The following MOGAT1 variants were observed in gnomAD, a reference collection of about 807,000 sequenced individuals.
MOGAT1 encodes the protein 2-acylglycerol O-acyltransferase 1.
A neutral mutation model predicts 31.4 loss-of-function variants in MOGAT1; 32 were observed. That is an observed-to-expected ratio of 1.02 (90% CI 0.77 to 1.37). The LOEUF (loss-of-function observed/expected upper bound fraction) is 1.37, where lower values mean the gene tolerates loss of function less well. Among genes scored for constraint, MOGAT1 ranks in the 40% most tolerant of loss-of-function variants. The probability of loss-of-function intolerance (pLI) is 0.00; values close to 1 mark genes in which losing one functional copy is unlikely to be tolerated. For missense variants in MOGAT1, 426 were observed against 402.0 expected (o/e 1.06, Z -0.51); for synonymous variants, 145 against 144.5 (o/e 1.00, Z -0.03).
chr2:222,701,848 T>C (rs1344449175), intron 5 of MOGAT1, among the ~76,000 whole-genome samples: 1 of 152,216 alleles, frequency 6.6e-6, no homozygotes, highest in Admixed American at 6.5e-5. Flanking sequence ...GGTATGGGTT[T>C]GAGGTCTGAC....
At chr2:222,673,492 G>A (rs952860335) in intron 1 of MOGAT1, among the ~76,000 whole-genome samples, 7 of 152,064 alleles carry the variant, frequency 4.6e-5, no homozygotes, top group African/African-American at 1.7e-4. Flanking sequence ...CAACATCCAC[G>A]ATTAACTAGC....
chr2:222,695,348 A>T, intron 5 of MOGAT1, 60 bp downstream of exon 5: 1 of 1,168,300 alleles, frequency 8.6e-7, no homozygotes, highest in South Asian at 1.6e-5. Flanking sequence ...CTTGTTATTG[A>T]TTGAGGTGCT....
chr2:222,689,566 G>A (rs776955641), intron 3 of MOGAT1, 97 bp downstream of exon 3: 1 of 1,160,738 alleles, frequency 8.6e-7, no homozygotes, highest in African/African-American at 1.5e-5. Flanking sequence ...TGGTCTCTTA[G>A]AGTAAAACCT....
chr2:222,680,412 G>C (rs1559228386), intron 1 of MOGAT1, among the ~76,000 whole-genome samples: 1 of 151,150 alleles, frequency 6.6e-6, no homozygotes, highest in African/African-American at 2.5e-5. Flanking sequence ...TAAAACAAGA[G>C]AAAGGTATTT....
At chr2:222,679,778 C>A (rs1390047791) in intron 1 of MOGAT1, among the ~76,000 whole-genome samples, 1 of 152,226 alleles carries the variant, frequency 6.6e-6, no homozygotes, top group Admixed American at 6.5e-5. Context: ...AGTGGAGTCA[C>A]TCATCCTATG....
In MOGAT1 at chr2:222,709,751, C is replaced by G. The variant is rs1355330757; in HGVS notation, c.869C>G (p.Pro290Arg). ...AIHTVVGRPI[P>R]VRQTLNPTQE... ...TGATTTGCAGTTGGCCGCCCGATCC[C>G]TGTTCGTCAGACTCTGAACCCGACC... The change falls in exon 6 of 6, where the codon CCT becomes CGT. Residue 290 changes from proline (P) to arginine (R), a missense_variant. Physicochemically the swap from Pro to Arg is moderately radical, Grantham distance 103 (BLOSUM62 -2). Transcript: ENST00000446656. 2 of 1,612,854 alleles carry G rather than the reference C, an allele frequency of 1.2e-6. No individual in the cohort carries two copies. The highest frequency in any genetic ancestry group is 1.7e-5 in the Admixed American group (1 of 59,712).
intron 5 of MOGAT1, among the ~76,000 whole-genome samples, chr2:222,708,062 T>C (rs1693032313): frequency 1.3e-5 from 2 of 151,348 alleles, no homozygotes; most frequent in Non-Finnish European, 2.9e-5. Context: ...TTCCTGTACA[T>C]TTTCTTTTTT....
chr2:222,705,863 G>A (rs1692998509), intron 5 of MOGAT1, among the ~76,000 whole-genome samples: 1 of 152,130 alleles, frequency 6.6e-6, no homozygotes. Context: ...ACTGCTAATA[G>A]GCTGGTAGCT....
intron 3 of MOGAT1, among the ~76,000 whole-genome samples, chr2:222,692,847 G>T (rs147066567): frequency 5.8e-4 from 88 of 152,262 alleles, no homozygotes; most frequent in African/African-American, 2.0e-3. Flanking sequence ...CAGGGGTGTG[G>T]AAACCCAAGA....
At chr2:222,695,347 G>T (rs1473745172) in intron 5 of MOGAT1, 59 bp downstream of exon 5, 11 of 1,175,894 alleles carry the variant, frequency 9.4e-6, no homozygotes, top group Admixed American at 2.6e-5. Context: ...TCTTGTTATT[G>T]ATTGAGGTGC....
At chr2:222,680,729 G>A (rs567679831) in intron 1 of MOGAT1, among the ~76,000 whole-genome samples, 122 of 152,128 alleles carry the variant, frequency 8.0e-4, no homozygotes, top group African/African-American at 2.8e-3. Context: ...TCCATACTAC[G>A]TTAAATGGTT....
intron 1 of MOGAT1, among the ~76,000 whole-genome samples, chr2:222,674,808 T>C (rs1223843766): frequency 1.3e-5 from 2 of 152,220 alleles, no homozygotes; most frequent in African/African-American, 4.8e-5. Flanking sequence ...ATATCCTAAA[T>C]TGTACCAAAA....
rs1309392454 is a variant in MOGAT1, at chr2:222,671,775, C to A, written c.-11C>A. 1 of 1,549,500 alleles carries A rather than the reference C, an allele frequency of 6.5e-7. No individual in the cohort carries two copies. The highest frequency in any genetic ancestry group is 1.4e-5 in the African/African-American group (1 of 73,040). ...CTGCAGTGGCTGGCGCCGTCCTCGC[C>A]CGGCCAGGCCATGAAGGTAGAGTTT... On this transcript the variant is annotated 5_prime_UTR_variant, in exon 1 of 6. Transcript: ENST00000446656.
At chr2:222,690,532 G>T (rs564305745) in intron 3 of MOGAT1, among the ~76,000 whole-genome samples, 3 of 152,094 alleles carry the variant, frequency 2.0e-5, no homozygotes, top group African/African-American at 7.2e-5. Context: ...ACTCCAGCCC[G>T]GGCGACAGAG....
intron 1 of MOGAT1, among the ~76,000 whole-genome samples, chr2:222,681,961 G>A (rs1383790378): frequency 2.0e-5 from 3 of 152,132 alleles, no homozygotes; most frequent in Non-Finnish European, 2.9e-5. Flanking sequence ...TAACAATACT[G>A]CGTTATATAC....
In MOGAT1 at chr2:222,703,830, A is replaced by AT. The variant is rs5838960; in HGVS notation, c.854-5895dup. Among the ~76,000 whole-genome samples the AT allele has an allele frequency of 1.6e-3, 244 of 150,570 alleles. 1 individual carries two copies. Among genetic ancestry groups the AT allele is most frequent in the Non-Finnish European group, 1.9e-3 (126 of 67,650 alleles). On this transcript the variant is annotated intron_variant, in intron 5 of 5. Transcript: ENST00000446656. ...ACAATTACAGAATAGTAAAACAAAG[A>AT]TTTTTTTTTTTCTATGAATAATCTA...
chr2:222,704,917 T>C (rs1692983707), intron 5 of MOGAT1, among the ~76,000 whole-genome samples: 1 of 152,074 alleles, frequency 6.6e-6, no homozygotes, highest in Non-Finnish European at 1.5e-5. Context: ...TCCGGATTCA[T>C]ACCCCAAGAG....
intron 3 of MOGAT1, among the ~76,000 whole-genome samples, chr2:222,691,214 AT>A (rs1056424503): frequency 7.0e-6 from 1 of 143,660 alleles, no homozygotes. Context: ...ATTTTATTTT[AT>A]TTTTTTTGAG....
At chr2:222,693,863 G>T (rs1027469155) in intron 3 of MOGAT1, among the ~76,000 whole-genome samples, 3 of 152,078 alleles carry the variant, frequency 2.0e-5, no homozygotes, top group African/African-American at 7.2e-5. Flanking sequence ...TCCAGGTTTG[G>T]AAAATAATGA....
Sources: allele counts gnomAD v4.1 joint callset (sites outside exome capture counted in the v4.1 genomes callset), GRCh38; gene constraint gnomAD v4.1.1; transcripts MANE v1.5; gene names NCBI Gene and HGNC (gene_info 2026-07-23, HGNC 2026-07-21).